ALK: variants seen among roughly 807,000 people sequenced by gnomAD.
The protein encoded by ALK is ALK tyrosine kinase receptor.
A neutral mutation model predicts 163.1 loss-of-function variants in ALK; 74 were observed. That is an observed-to-expected ratio of 0.45 (90% CI 0.38 to 0.55). ALK has a LOEUF of 0.55. Ranked by LOEUF, ALK falls within the 20% of genes least tolerant of loss-of-function variation. The pLI is 0.00. For synonymous variants in ALK, 960 were observed against 843.2 expected (o/e 1.14, Z -2.40); for missense variants, 2,063 against 2,105.3 (o/e 0.98, Z 0.39).
At chr2:29,765,070 C>T (rs1680820872) in intron 1 of ALK, among the ~76,000 whole-genome samples, 1 of 152,136 alleles carries the variant, frequency 6.6e-6, no homozygotes. Flanking sequence ...TTGCTTTCTG[C>T]TATGATTATA....
chr2:29,278,647 A>C (rs1665606061), intron 9 of ALK, among the ~76,000 whole-genome samples: 1 of 152,232 alleles, frequency 6.6e-6, no homozygotes, highest in Non-Finnish European at 1.5e-5. Context: ...CCAGGGCCCT[A>C]ATACTGCTGT....
intron 13 of ALK, among the ~76,000 whole-genome samples, chr2:29,238,841 A>G (rs955702060): frequency 2.0e-5 from 3 of 152,196 alleles, no homozygotes; most frequent in Non-Finnish European, 2.9e-5. Context: ...AACCCCGAGG[A>G]ACAACTAGAT....
chr2:29,502,057 T>C (rs1672202627), intron 4 of ALK, among the ~76,000 whole-genome samples: 1 of 152,218 alleles, frequency 6.6e-6, no homozygotes, highest in Admixed American at 6.5e-5. Context: ...TGTTTATCCA[T>C]TTATCTCTTG....
chr2:29,233,862 G>A (rs898710837), intron 13 of ALK, among the ~76,000 whole-genome samples, 166 bp from the exon 14 acceptor site: 10 of 152,234 alleles, frequency 6.6e-5, no homozygotes, highest in Non-Finnish European at 1.5e-4. Context: ...TCTGGGCAGT[G>A]TTAGGGAAGG....
intron 4 of ALK, among the ~76,000 whole-genome samples, chr2:29,517,240 G>A (rs1672696075): frequency 6.6e-6 from 1 of 152,146 alleles, no homozygotes; most frequent in African/African-American, 2.4e-5. Context: ...CAGGAACGGG[G>A]AGTCCAGGTT....
intron 3 of ALK, among the ~76,000 whole-genome samples, chr2:29,573,713 C>T (rs1674443905): frequency 6.6e-6 from 1 of 152,130 alleles, no homozygotes; most frequent in Non-Finnish European, 1.5e-5. Flanking sequence ...TACTATCAGG[C>T]CTTTTACAAA....
chr2:29,426,346 C>A (rs1193547549), intron 4 of ALK, among the ~76,000 whole-genome samples: 1 of 152,174 alleles, frequency 6.6e-6, no homozygotes, highest in East Asian at 1.9e-4. Flanking sequence ...TCAACCCATA[C>A]ATCCACACAC....
At chr2:29,567,602 A>G (rs1386373935) in intron 3 of ALK, among the ~76,000 whole-genome samples, 1 of 152,190 alleles carries the variant, frequency 6.6e-6, no homozygotes, top group Non-Finnish European at 1.5e-5. Flanking sequence ...TTCACCTGAA[A>G]AAGTTTTATA....
chr2:29,786,653 A>T (rs1001081447), intron 1 of ALK, among the ~76,000 whole-genome samples: 1 of 152,224 alleles, frequency 6.6e-6, no homozygotes, highest in Non-Finnish European at 1.5e-5. Flanking sequence ...AGGAGGTCAG[A>T]GTCTCAGTTG....
chr2:29,534,322 A>C (rs1041445654), intron 3 of ALK, among the ~76,000 whole-genome samples: 1 of 152,216 alleles, frequency 6.6e-6, no homozygotes, highest in Non-Finnish European at 1.5e-5. Context: ...AGTGTTTGCT[A>C]TATTACTGTT....
intron 26 of ALK, among the ~76,000 whole-genome samples, chr2:29,205,552 C>A (rs1182305647): frequency 6.6e-6 from 1 of 152,186 alleles, no homozygotes; most frequent in Non-Finnish European, 1.5e-5. Context: ...AGGGCTGTGT[C>A]CCTTCTGGAG....
At chr2:29,698,838 A>C (rs1364752148) in intron 2 of ALK, among the ~76,000 whole-genome samples, 1 of 152,220 alleles carries the variant, frequency 6.6e-6, no homozygotes, top group Non-Finnish European at 1.5e-5. Flanking sequence ...TGTACTTTCT[A>C]GCTTTAAATA....
chr2:29,843,362 T>C (rs1665750243), intron 1 of ALK, among the ~76,000 whole-genome samples: 2 of 152,076 alleles, frequency 1.3e-5, no homozygotes, highest in African/African-American at 4.8e-5. Context: ...TGTGTGTGTA[T>C]GGTGTGCGTG....
rs1321912798 is a variant in ALK, at chr2:29,921,442, C to T, written c.-783G>A. The T allele has an allele frequency of 4.3e-6, 1 of 232,180 alleles. No individual in the cohort carries two copies. Among genetic ancestry groups the T allele is most frequent in the East Asian group, 6.0e-5 (1 of 16,540 alleles). 14.4% of individuals were successfully genotyped at this position (232,180 alleles called of 1,614,324 possible). On this transcript the variant is annotated 5_prime_UTR_variant, in exon 1 of 29. The change creates a new upstream start codon in the 5' untranslated region. Coordinates refer to ENST00000389048, the MANE Select transcript of ALK (RefSeq NM_004304.5). The stretch of plus-strand genomic sequence containing the variant: ...CCGAAATCTTGCCGCCCCCTCCTCA[C>T]CCATCATCAGCGCCCGCGGCTTTGG...
At chr2:29,546,028 GTA>G (rs1383872080) in intron 3 of ALK, among the ~76,000 whole-genome samples, 2 of 152,056 alleles carry the variant, frequency 1.3e-5, no homozygotes, top group Admixed American at 6.6e-5. Flanking sequence ...TAAAATACGC[GTA>G]TGTGTGTGTG....
At position 29,544,598 on chromosome 2, in the gene ALK, C is replaced by T. The variant is rs77150578; in HGVS notation, c.953-12482G>A. On this transcript the variant is annotated intron_variant, in intron 3 of 28. Coordinates refer to ENST00000389048, the MANE Select transcript of ALK (RefSeq NM_004304.5). The stretch of plus-strand genomic sequence containing the variant: ...GGAAAAAAAGGAGAAACAACATATC[C>T]TTATCCATATCTATCTATATAAATA... 9.3e-3 allele frequency among the ~76,000 whole-genome samples: 1,419 copies of T among 152,140 alleles called. 22 individuals are homozygous for T. The highest frequency in any genetic ancestry group is 0.028 in the African/African-American group (1,160 of 41,518).
In ALK at chr2:29,877,572, A is replaced by ATCAT. The variant is rs370483105; in HGVS notation, c.667+42417_667+42420dup. ...CCTATCACATAGTAGGTATTAAGTA[A>ATCAT]TCATTCATTCATTCATTCATTCAGT... On this transcript the variant is annotated intron_variant, in intron 1 of 28. Coordinates refer to ENST00000389048, the MANE Select transcript of ALK (RefSeq NM_004304.5). Among the ~76,000 whole-genome samples, 44 of 152,248 alleles carry ATCAT rather than the reference A, an allele frequency of 2.9e-4. No homozygotes were observed. The South Asian group carries it at 5.4e-3, about 19-fold the overall frequency.
At chr2:29,863,010 A>C (rs1019643193) in intron 1 of ALK, among the ~76,000 whole-genome samples, 10 of 152,192 alleles carry the variant, frequency 6.6e-5, no homozygotes, top group African/African-American at 2.4e-4. Context: ...ACATACAATG[A>C]GGAAAAGGAT....
intron 1 of ALK, among the ~76,000 whole-genome samples, chr2:29,851,972 C>G (rs1666007231): frequency 6.6e-6 from 1 of 152,188 alleles, no homozygotes; most frequent in African/African-American, 2.4e-5. Context: ...GAGGTAGAAC[C>G]TGTATTTTCT....
Sources: allele counts gnomAD v4.1 joint callset (sites outside exome capture counted in the v4.1 genomes callset), GRCh38; gene constraint gnomAD v4.1.1; transcripts MANE v1.5; gene names NCBI Gene and HGNC (gene_info 2026-07-23, HGNC 2026-07-21).